The following HLCS variants were observed in gnomAD, a reference collection of about 807,000 sequenced individuals.
The protein encoded by HLCS is biotin--protein ligase.
HLCS carries 53 observed loss-of-function variants against 75.0 expected under a neutral mutation model. The observed-to-expected ratio is 0.71, with a 90% CI of 0.57 to 0.89. The LOEUF (loss-of-function observed/expected upper bound fraction) is 0.89, where lower values mean the gene tolerates loss of function less well. Ranked by LOEUF, HLCS falls within the 40% of genes least tolerant of loss-of-function variation. The pLI, the probability that HLCS is intolerant of heterozygous loss-of-function variation, is 0.00. For missense variants in HLCS, 966 were observed against 1,074.0 expected (o/e 0.90, Z 1.41); for synonymous variants, 431 against 428.6 (o/e 1.01, Z -0.07).
chr21:36,968,543 C>T (rs9974970), upstream of HLCS: 62,218 of 152,032 alleles, frequency 0.41, 13,465 homozygotes, highest in South Asian at 0.53. Flanking sequence ...ATATCCTACA[C>T]TTCTCTACAG....
In HLCS at chr21:36,898,340, G is replaced by T. The variant is rs560014022; in HGVS notation, c.1621-1209C>A. Among the ~76,000 whole-genome samples the T allele has an allele frequency of 2.7e-5, 4 of 150,816 alleles. No homozygotes were observed. In the East Asian group the frequency reaches 7.8e-4, roughly 30 times the overall value. ...GGGTGCCTGTAATCCCAGCTACTCA[G>T]GAGGCTGAGACAGGAGAATCGCTTG... On this transcript the variant is annotated intron_variant, in intron 5 of 10. Coordinates refer to ENST00000674895, the MANE Select transcript of HLCS (RefSeq NM_001352514.2).
chr21:36,767,580 T>TAACC (rs780587020), intron 6 of HLCS, among the ~76,000 whole-genome samples: 17,559 of 152,188 alleles, frequency 0.12, 1,848 homozygotes, highest in African/African-American at 0.28. Context: ...AAAGACTTGG[T>TAACC]TAGATTCTAT....
intron 1 of HLCS, among the ~76,000 whole-genome samples, chr21:36,977,454 C>T (rs1313661743): frequency 2.0e-5 from 3 of 152,208 alleles, no homozygotes; most frequent in African/African-American, 7.2e-5. Flanking sequence ...TCATCATTGT[C>T]TTCCTAACAA....
At chr21:36,820,831 G>A (rs2061816662) in intron 6 of HLCS, among the ~76,000 whole-genome samples, 1 of 152,222 alleles carries the variant, frequency 6.6e-6, no homozygotes, top group Non-Finnish European at 1.5e-5. Context: ...TCTTGGGGCT[G>A]GATAGCTTTT....
At chr21:36,829,055 T>C (rs1312236724) in intron 6 of HLCS, among the ~76,000 whole-genome samples, 1 of 152,220 alleles carries the variant, frequency 6.6e-6, no homozygotes, top group African/African-American at 2.4e-5. Flanking sequence ...AACGGCCCCT[T>C]ACTGGTTTTC....
chr21:36,924,617 C>T (rs753999247), intron 5 of HLCS, among the ~76,000 whole-genome samples: 2 of 152,152 alleles, frequency 1.3e-5, no homozygotes, highest in Non-Finnish European at 2.9e-5. Context: ...TCCTGTACGC[C>T]AGCTTCCTCT....
intron 10 of HLCS, among the ~76,000 whole-genome samples, chr21:36,756,220 C>CCT (rs1568959506): frequency 6.6e-6 from 1 of 151,914 alleles, no homozygotes; most frequent in African/African-American, 2.4e-5. Flanking sequence ...GGGCAGATCA[C>CCT]AAGGTCAGGA....
chr21:36,883,381 C>T (rs963450810), intron 6 of HLCS, among the ~76,000 whole-genome samples: 8 of 152,204 alleles, frequency 5.3e-5, no homozygotes, highest in African/African-American at 1.2e-4. Context: ...GGATAACTGG[C>T]ACATTTATTT....
intron 6 of HLCS, among the ~76,000 whole-genome samples, chr21:36,893,836 A>C (rs1458420503): frequency 3.3e-5 from 5 of 152,234 alleles, no homozygotes; most frequent in African/African-American, 1.2e-4. Flanking sequence ...ACTAAAAAAT[A>C]ATGTATGAGA....
intron 2 of HLCS, among the ~76,000 whole-genome samples, chr21:36,945,326 A>T (rs878964529): frequency 1.3e-5 from 2 of 152,196 alleles, no homozygotes; most frequent in Non-Finnish European, 2.9e-5. Context: ...AGGAAAAAAA[A>T]ATATGCCCAC....
intron 5 of HLCS, among the ~76,000 whole-genome samples, chr21:36,909,957 G>A (rs1347303774): frequency 1.3e-5 from 2 of 152,208 alleles, no homozygotes; most frequent in African/African-American, 4.8e-5. Flanking sequence ...AATAAGATTA[G>A]TTGTGCTTCA....
At chr21:36,839,716 TAC>T (rs1203108309) in intron 6 of HLCS, among the ~76,000 whole-genome samples, 1 of 136,304 alleles carries the variant, frequency 7.3e-6, no homozygotes, top group African/African-American at 2.8e-5. Context: ...GGCAATATCC[TAC>T]ACACATGTTT....
chr21:36,756,799 A>G (rs1356433963), intron 9 of HLCS, 44 bp from the exon 10 acceptor site: 1 of 1,612,932 alleles, frequency 6.2e-7, no homozygotes, highest in Non-Finnish European at 8.5e-7. Context: ...TGTTGATGGC[A>G]TCACACATTC....
intron 1 of HLCS, among the ~76,000 whole-genome samples, chr21:36,981,749 G>A (rs1233045650): frequency 6.6e-6 from 1 of 152,070 alleles, no homozygotes; most frequent in Non-Finnish European, 1.5e-5. Flanking sequence ...GCTACCCTAA[G>A]GATGGAGTCC....
chr21:36,870,844 A>C (rs1489564686), intron 6 of HLCS, among the ~76,000 whole-genome samples: 2 of 152,178 alleles, frequency 1.3e-5, no homozygotes, highest in Non-Finnish European at 2.9e-5. Flanking sequence ...ACCTGGGCAG[A>C]AGGGTTTGGA....
chr21:36,938,921 G>C lies in HLCS; in HGVS notation c.404C>G (p.Ala135Gly). The C allele has an allele frequency of 3.1e-6, 5 of 1,613,812 alleles. No homozygotes were observed. In the Admixed American group the frequency reaches 5.0e-5, roughly 16 times the overall value. The change falls in exon 3 of 11, where the codon GCA (alanine) becomes GGA (glycine). Residue 135 changes from alanine to glycine, a missense_variant. Physicochemically the swap from Ala to Gly is moderately conservative, Grantham distance 60. Transcript: ENST00000674895. The part of the protein sequence containing the change: ...PGDPYRLIAE[A>G]SVDNFSKLGV... ...CAGCTTGCTGAAGTTGTCCACACTTGCTTCAGCAATTAGCCGATAAGGATC... is the reference window on the plus strand; with the variant it reads ...CAGCTTGCTGAAGTTGTCCACACTTCCTTCAGCAATTAGCCGATAAGGATC...
At chr21:36,966,421 G>T (rs1267478961) in intron 1 of HLCS, 23 bp downstream of exon 1, 1 of 473,746 alleles carries the variant, frequency 2.1e-6, no homozygotes, top group Non-Finnish European at 2.8e-6. Context: ...GGCCCGGGTC[G>T]CCCGCCCGCC....
chr21:36,908,097 C>T (rs78511890), intron 5 of HLCS, among the ~76,000 whole-genome samples: 1 of 150,232 alleles, frequency 6.7e-6, no homozygotes, highest in Non-Finnish European at 1.5e-5. Flanking sequence ...AAAAAAAAAA[C>T]ATTCTGGCCG....
At chr21:36,870,246 C>A (rs2146226212) in intron 6 of HLCS, among the ~76,000 whole-genome samples, 1 of 152,174 alleles carries the variant, frequency 6.6e-6, no homozygotes, top group South Asian at 2.1e-4. Flanking sequence ...GCGTCTGGAC[C>A]ACTGCATCTC....
Sources: gnomAD v4.1 joint callset for allele counts (sites outside exome capture counted in the v4.1 genomes callset) on GRCh38, gnomAD v4.1.1 for gene constraint, MANE v1.5 for transcripts, NCBI Gene and HGNC (gene_info 2026-07-23, HGNC 2026-07-21) for gene names.